The following ATP6V1C1 variants were observed in gnomAD, a reference collection of about 807,000 sequenced individuals.
ATP6V1C1 encodes V-type proton ATPase subunit C 1.
ATP6V1C1 carries 45 observed loss-of-function variants against 53.9 expected under a neutral mutation model. The observed-to-expected ratio is 0.83, with a 90% CI of 0.66 to 1.07. The LOEUF is 1.07. Among genes scored for constraint, ATP6V1C1 ranks in the 50% least tolerant of loss-of-function variants. The probability of loss-of-function intolerance (pLI) is 0.00; values close to 1 mark genes in which losing one functional copy is unlikely to be tolerated. For missense variants in ATP6V1C1, 315 were observed against 440.3 expected, an observed-to-expected ratio of 0.72 and a Z score of 2.55; for synonymous variants, 153 against 155.2, an observed-to-expected ratio of 0.99 and a Z score of 0.11.
rs955414273 is a variant in ATP6V1C1, at chr8:103,051,235, G to A, written c.381+91G>A. On this transcript the variant is annotated intron_variant, in intron 5 of 12. Coordinates refer to ENST00000518738, the MANE Select transcript of ATP6V1C1 (RefSeq NM_001695.5). ...CACTATGAAATACTTTTTAGGTTTT[G>A]ATAAGGCAACTTAATTATATTTCAC... is the stretch of plus-strand genomic sequence containing the variant. 4 of 925,986 alleles carry A rather than the reference G, an allele frequency of 4.3e-6. No individual in the cohort carries two copies. In the African/African-American group the frequency reaches 6.8e-5, roughly 16 times the overall value. 57.4% of individuals were successfully genotyped at this position (925,986 alleles called of 1,614,324 possible).
At chr8:103,025,075 T>G (rs1433240520) in intron 1 of ATP6V1C1, among the ~76,000 whole-genome samples, 6 of 152,084 alleles carry the variant, frequency 3.9e-5, no homozygotes, top group Non-Finnish European at 8.8e-5. Context: ...TGAGTATGTG[T>G]GTGTATTTGA....
intron 11 of ATP6V1C1, among the ~76,000 whole-genome samples, chr8:103,065,210 A>C (rs1181970833): frequency 6.6e-6 from 1 of 152,206 alleles, no homozygotes; most frequent in Non-Finnish European, 1.5e-5. Context: ...ATATTTAAAA[A>C]ATCATATTCT....
At chr8:103,042,282 CT>C in intron 2 of ATP6V1C1, 57 bp from the exon 3 acceptor site, 7 of 1,434,832 alleles carry the variant, frequency 4.9e-6, no homozygotes, top group Non-Finnish European at 6.8e-6. Context: ...GATGAATCAT[CT>C]TGTTTTTTTT....
At chr8:103,040,230 A>G (rs1269104222) in intron 1 of ATP6V1C1, among the ~76,000 whole-genome samples, 1 of 138,536 alleles carries the variant, frequency 7.2e-6, no homozygotes, top group Non-Finnish European at 1.6e-5. Context: ...CCTGGCTAAC[A>G]TGGCAAAAAC....
rs191825630 is a variant in ATP6V1C1 at position 103,057,106 on chromosome 8, A to C, written c.641+1170A>C. 2.1e-3 allele frequency among the ~76,000 whole-genome samples: 322 copies of C among 152,368 alleles called. No individual in the cohort carries two copies. The Middle Eastern group carries it at 0.024, about 11-fold the overall frequency. The stretch of plus-strand genomic sequence containing the variant: ...AACAAAAGAACGAAAGCAGGGATTT[A>C]TTAAAAATGAAAGAAAGTACACTCC... On this transcript the variant is annotated intron_variant, in intron 8 of 12. Coordinates refer to ENST00000518738, the MANE Select transcript of ATP6V1C1 (RefSeq NM_001695.5).
At chr8:103,065,176 C>T (rs967031473) in intron 11 of ATP6V1C1, among the ~76,000 whole-genome samples, 6 of 151,992 alleles carry the variant, frequency 3.9e-5, no homozygotes, top group Non-Finnish European at 7.4e-5. Context: ...TTCATATTAA[C>T]CTAAAGTATT....
At chr8:103,032,880 A>G (rs1164697247) in intron 1 of ATP6V1C1, among the ~76,000 whole-genome samples, 1 of 152,370 alleles carries the variant, frequency 6.6e-6, no homozygotes, top group East Asian at 1.9e-4. Context: ...AAAGCTTTGT[A>G]GAGGAATGTT....
At chr8:103,068,587 A>G (rs1398408712) in intron 12 of ATP6V1C1, 65 bp from the exon 13 acceptor site, 1 of 1,264,164 alleles carries the variant, frequency 7.9e-7, no homozygotes, top group Non-Finnish European at 1.1e-6. Context: ...GTAAATGTTA[A>G]TACTTGCTTT....
chr8:103,072,974 G>C lies in ATP6V1C1; in HGVS notation c.*4227G>C, dbSNP rs1414281846. On this transcript the variant is annotated 3_prime_UTR_variant, in exon 13 of 13. Coordinates refer to ENST00000518738, the MANE Select transcript of ATP6V1C1 (RefSeq NM_001695.5). ...AAAGGGGGACATTCCTTCCCTGGCA[G>C]TTACTCAAAACTGAAATTGCTTATT... The C allele has an allele frequency of 4.6e-5, 7 of 152,220 alleles. No individual in the cohort carries two copies. Among genetic ancestry groups the C allele is most frequent in the Admixed American group, 2.6e-4 (4 of 15,286 alleles). 9.4% of individuals were successfully genotyped at this position (152,220 alleles called of 1,614,324 possible).
intron 1 of ATP6V1C1, among the ~76,000 whole-genome samples, chr8:103,038,828 A>G (rs543535718): frequency 1.3e-5 from 2 of 152,306 alleles, no homozygotes; most frequent in East Asian, 3.9e-4. Context: ...ATCAAAACTT[A>G]TCTTTGGATG....
At position 103,040,781 on chromosome 8, in the gene ATP6V1C1, T is replaced by G; in HGVS notation, c.-39-17T>G. On this transcript the variant is annotated splice_polypyrimidine_tract_variant and intron_variant, in intron 1 of 12. Transcript: ENST00000518738. Reference sequence around the variant, plus strand: ...ATGATTTTAAATGTGATTTTTTTTATTTGTTTTACATTTCAGAATCTCTCT... The same window carrying G: ...ATGATTTTAAATGTGATTTTTTTTAGTTGTTTTACATTTCAGAATCTCTCT... The G allele has an allele frequency of 6.4e-7, 1 of 1,564,296 alleles. No individual in the cohort carries two copies. The highest frequency in any genetic ancestry group is 8.7e-7 in the Non-Finnish European group (1 of 1,153,894).
At position 103,055,850 on chromosome 8, in the gene ATP6V1C1, A is replaced by G. The variant is rs1485869421; in HGVS notation, c.573-18A>G. 6.2e-7 allele frequency: 1 copy of G among 1,607,694 alleles called. No individual in the cohort carries two copies. The highest frequency in any genetic ancestry group is 8.5e-7 in the Non-Finnish European group (1 of 1,175,944). Reference sequence around the variant, plus strand: ...GACTTGTTTTTCTTTTCCAATGTGTATTGTACCTTTTCTGCAGGTTAAACC... The same window carrying G: ...GACTTGTTTTTCTTTTCCAATGTGTGTTGTACCTTTTCTGCAGGTTAAACC... On this transcript the variant is annotated intron_variant, in intron 7 of 12. Coordinates refer to ENST00000518738, the MANE Select transcript of ATP6V1C1 (RefSeq NM_001695.5).
chr8:103,063,316 C>G, intron 10 of ATP6V1C1, 88 bp downstream of exon 10: 1 of 879,400 alleles, frequency 1.1e-6, no homozygotes, highest in Non-Finnish European at 1.7e-6. Context: ...AAGTAAAAAT[C>G]TGCTTTGGTT....
intron 1 of ATP6V1C1, among the ~76,000 whole-genome samples, chr8:103,033,917 A>G (rs1816844200): frequency 6.6e-6 from 1 of 152,204 alleles, no homozygotes; most frequent in Non-Finnish European, 1.5e-5. Context: ...CACCTATACT[A>G]ACTCAGGGAA....
At chr8:103,050,724 A>G (rs1817185726) in intron 4 of ATP6V1C1, among the ~76,000 whole-genome samples, 1 of 148,450 alleles carries the variant, frequency 6.7e-6, no homozygotes, top group South Asian at 2.2e-4. Context: ...CTTATTGAGG[A>G]GATAATTTGA....
At chr8:103,026,588 G>C (rs979685388) in intron 1 of ATP6V1C1, among the ~76,000 whole-genome samples, 1 of 152,162 alleles carries the variant, frequency 6.6e-6, no homozygotes, top group African/African-American at 2.4e-5. Flanking sequence ...AAGGGCGGGC[G>C]GATCACTTGA....
chr8:103,026,921 TTTAAACAAG>T (rs1303582237), intron 1 of ATP6V1C1, among the ~76,000 whole-genome samples: 8 of 152,240 alleles, frequency 5.3e-5, no homozygotes, highest in Admixed American at 3.3e-4. Context: ...ACTGAAAATG[TTTAAACAAG>T]TTGTATTATG....
At chr8:103,047,464 A>ACTT (rs137856477) in intron 3 of ATP6V1C1, among the ~76,000 whole-genome samples, 4 of 125,604 alleles carry the variant, frequency 3.2e-5, no homozygotes, top group African/African-American at 1.2e-4. Flanking sequence ...ACACACACAC[A>ACTT]TTTTTTTTTT....
At chr8:103,055,369 G>A (rs1433144401) in intron 7 of ATP6V1C1, among the ~76,000 whole-genome samples, 1 of 152,074 alleles carries the variant, frequency 6.6e-6, no homozygotes, top group Non-Finnish European at 1.5e-5. Flanking sequence ...GGAAGCCAGT[G>A]GCCTCTAGAG....
Sources: allele counts gnomAD v4.1 joint callset (sites outside exome capture counted in the v4.1 genomes callset), GRCh38; gene constraint gnomAD v4.1.1; transcripts MANE v1.5; gene names NCBI Gene and HGNC (gene_info 2026-07-23, HGNC 2026-07-21).